The following ZBTB44 variants were observed in gnomAD, a reference collection of about 807,000 sequenced individuals.
ZBTB44 encodes the protein zinc finger and BTB domain containing 44.
ZBTB44 carries 15 observed loss-of-function variants against 54.0 expected under a neutral mutation model. That is an observed-to-expected ratio of 0.28 (90% CI 0.19 to 0.43). ZBTB44 has a LOEUF of 0.43. Ranked by LOEUF, ZBTB44 falls within the 20% of genes least tolerant of loss-of-function variation. The pLI, the probability that ZBTB44 is intolerant of heterozygous loss-of-function variation, is 1.00. For missense variants in ZBTB44, 487 were observed against 707.1 expected, an observed-to-expected ratio of 0.69 and a Z score of 3.53; for synonymous variants, 230 against 250.1, an observed-to-expected ratio of 0.92 and a Z score of 0.76.
At position 130,239,869 on chromosome 11, in the gene ZBTB44, C is replaced by A. The variant is rs1225320751; in HGVS notation, c.1046G>T (p.Gly349Val). The change falls in exon 3 of 8, where the codon GGC becomes GTC. Residue 349 changes from glycine to valine, a missense_variant. Around this residue, in one of 3 missense-constraint regions of ZBTB44, gnomAD observed 277 missense variants for 306.5 expected, o/e 0.90. Coordinates refer to ENST00000357899, the MANE Select transcript of ZBTB44 (RefSeq NM_001301098.2). ...AGACGTGCTTTGAAGTGTAGGCAAG[C>A]CCTCAGAAACGCCTTCATCTACTGA... ...IGSVDEGVSE[G>V]LPTLQSTSST... 6.2e-7 allele frequency: 1 copy of A among 1,611,770 alleles called. No individual in the cohort carries two copies. The highest frequency in any genetic ancestry group is 2.2e-5 in the East Asian group (1 of 44,824).
chr11:130,310,440 A>C (rs1942523057), intron 1 of ZBTB44: 1 of 151,446 alleles, frequency 6.6e-6, no homozygotes, highest in Admixed American at 6.6e-5. Flanking sequence ...TAGCCACTGC[A>C]CTCCAGCCTG....
intron 2 of ZBTB44, among the ~76,000 whole-genome samples, chr11:130,253,424 A>G (rs1938186974): frequency 6.6e-6 from 1 of 152,180 alleles, no homozygotes; most frequent in South Asian, 2.1e-4. Context: ...ATATACCAAT[A>G]ACAGAGAAAC....
At chr11:130,248,318 T>C (rs559520425) in intron 2 of ZBTB44, among the ~76,000 whole-genome samples, 1 of 152,314 alleles carries the variant, frequency 6.6e-6, no homozygotes, top group African/African-American at 2.4e-5. Flanking sequence ...TGAGAGTGAT[T>C]AGTACATTTG....
At chr11:130,284,798 A>G (rs113245986) in intron 1 of ZBTB44, among the ~76,000 whole-genome samples, 9,494 of 152,112 alleles carry the variant, frequency 0.062, 737 homozygotes, top group African/African-American at 0.18. Flanking sequence ...CCCAGGAGGT[A>G]GAGGTTGCAG....
intron 2 of ZBTB44, among the ~76,000 whole-genome samples, chr11:130,256,362 C>T (rs545308829): frequency 9.2e-5 from 14 of 152,282 alleles, no homozygotes; most frequent in South Asian, 8.3e-4. Flanking sequence ...TCTCAATAGA[C>T]GCAGAAAAGG....
At position 130,272,627 on chromosome 11, in the gene ZBTB44, C is replaced by T. The variant is rs115071516; in HGVS notation, c.-56-10698G>A. ...CAGTGTTTTTCTTTTGCTGTTCATG[C>T]TTTTGGTATCGTATCTACAAATTCC... On this transcript the variant is annotated intron_variant, in intron 1 of 7. Coordinates refer to ENST00000357899, the MANE Select transcript of ZBTB44 (RefSeq NM_001301098.2). Among the ~76,000 whole-genome samples the T allele has an allele frequency of 8.8e-3, 1,317 of 149,910 alleles. 9 individuals carry two copies. The highest frequency in any genetic ancestry group is 0.022 in the African/African-American group (894 of 40,972).
intron 5 of ZBTB44, among the ~76,000 whole-genome samples, chr11:130,235,341 C>T (rs185878231): frequency 6.6e-6 from 1 of 152,244 alleles, no homozygotes; most frequent in African/African-American, 2.4e-5. Context: ...AACAGGAACA[C>T]TATTTTAGTC....
chr11:130,273,071 A>G (rs1939793102), intron 1 of ZBTB44, among the ~76,000 whole-genome samples: 1 of 152,168 alleles, frequency 6.6e-6, no homozygotes, highest in African/African-American at 2.4e-5. Flanking sequence ...TCAGACTGTC[A>G]ATCTTTACAA....
At chr11:130,309,419 A>C (rs73587088) in intron 1 of ZBTB44, among the ~76,000 whole-genome samples, 9,720 of 152,236 alleles carry the variant, frequency 0.064, 748 homozygotes, top group African/African-American at 0.18. Flanking sequence ...TGCTCTGCTT[A>C]CTTTAGATGA....
In ZBTB44 at chr11:130,237,031, T is replaced by C; in HGVS notation, c.1330A>G (p.Met444Val). 1 of 1,609,366 alleles carries C rather than the reference T, an allele frequency of 6.2e-7. No homozygotes were observed. Among genetic ancestry groups the C allele is most frequent in the Non-Finnish European group, 8.5e-7 (1 of 1,177,920 alleles). The change falls in exon 5 of 8, where the codon ATG (methionine) becomes GTG (valine). Residue 444 changes from methionine (M) to valine (V), a missense_variant. Met to Val is a conservative substitution (Grantham distance 21, BLOSUM62 1). Around this residue, in one of 3 missense-constraint regions of ZBTB44, gnomAD observed 120 missense variants for 240.3 expected, o/e 0.50. Transcript: ENST00000357899. ...KKFTRAYSLKMHRLKHEGKRC... is the reference protein window; with the variant it reads ...KKFTRAYSLKVHRLKHEGKRC... ...TTACCTTCATGCTTTAGGCGATGCA[T>C]CTTTAGCGAGTAAGCCCTGGTGAAC...
intron 1 of ZBTB44, among the ~76,000 whole-genome samples, chr11:130,271,893 CAG>C (rs1939696756): frequency 6.6e-6 from 1 of 152,104 alleles, no homozygotes; most frequent in South Asian, 2.1e-4. Context: ...GAGAAATTGT[CAG>C]ACTGTCTTCC....
At chr11:130,286,134 G>T (rs1315878840) in intron 1 of ZBTB44, among the ~76,000 whole-genome samples, 1 of 152,122 alleles carries the variant, frequency 6.6e-6, no homozygotes, top group Non-Finnish European at 1.5e-5. Flanking sequence ...TAAATTATCA[G>T]ACTGAGACGA....
Position 130,309,884 on chromosome 11 carries a change from C to T in ZBTB44, c.-57+4491G>A, listed in dbSNP as rs575661408. On this transcript the variant is annotated intron_variant, in intron 1 of 7. Coordinates refer to ENST00000357899, the MANE Select transcript of ZBTB44 (RefSeq NM_001301098.2). ...GCATTCCAGCCTGGGCAACAGAGGG[C>T]GACTGCATCTCAAAAAAAAAAAAAA... 7.1e-4 allele frequency among the ~76,000 whole-genome samples: 99 copies of T among 139,858 alleles called. 1 individual carries two copies. Among genetic ancestry groups the T allele is most frequent in the East Asian group, 6.4e-3 (31 of 4,836 alleles). 91.8% of individuals were successfully genotyped at this position (139,858 alleles called of 152,430 possible). A position where few individuals can be genotyped will look rare whatever the true frequency, so the allele number is the denominator to read the frequency against.
chr11:130,236,768 G>T (rs1452044462), intron 5 of ZBTB44, 25 bp downstream of exon 5: 13 of 1,319,652 alleles, frequency 9.9e-6, no homozygotes, highest in Middle Eastern at 2.0e-4. Flanking sequence ...AGTTTTCCTG[G>T]TTGGGTTTTC....
chr11:130,295,918 G>A lies in ZBTB44; in HGVS notation c.-57+18457C>T, dbSNP rs527514211. On this transcript the variant is annotated intron_variant, in intron 1 of 7. Coordinates refer to ENST00000357899, the MANE Select transcript of ZBTB44 (RefSeq NM_001301098.2). ...TGGGTTGATAATGGGTGGCAGTAACGGATCTGCTGAAGCACAGAAACTTGC... is the reference window on the plus strand; with the variant it reads ...TGGGTTGATAATGGGTGGCAGTAACAGATCTGCTGAAGCACAGAAACTTGC... The A allele has an allele frequency of 1.5e-4, 234 of 1,517,140 alleles. 2 individuals are homozygous for A. The highest frequency in any genetic ancestry group is 2.4e-4 in the Middle Eastern group (1 of 4,252). The allele number at this position is 1,517,140 out of a possible 1,614,324, so 94.0% of individuals were successfully genotyped here.
Position 130,230,622 on chromosome 11 carries a change from G to A in ZBTB44, c.*1142C>T, listed in dbSNP as rs2136243271. 6.7e-6 allele frequency: 1 copy of A among 149,854 alleles called. No individual in the cohort carries two copies. The highest frequency in any genetic ancestry group is 6.7e-5 in the Admixed American group (1 of 15,018). 9.3% of individuals were successfully genotyped at this position (149,854 alleles called of 1,614,324 possible). ...TAACTAAATGCGTAACTAATTACTT[G>A]AAATAAAAAGATTACTTGAAATTCA... On this transcript the variant is annotated 3_prime_UTR_variant, in exon 8 of 8. Coordinates refer to ENST00000357899, the MANE Select transcript of ZBTB44 (RefSeq NM_001301098.2).
intron 1 of ZBTB44, among the ~76,000 whole-genome samples, chr11:130,272,751 G>A (rs1468694399): frequency 7.0e-6 from 1 of 142,820 alleles, no homozygotes; most frequent in South Asian, 2.2e-4. Flanking sequence ...GTTATTTTTT[G>A]TATATGGTCC....
intron 1 of ZBTB44, among the ~76,000 whole-genome samples, chr11:130,311,059 G>A (rs1456987724): frequency 6.6e-6 from 1 of 152,120 alleles, no homozygotes; most frequent in Non-Finnish European, 1.5e-5. Flanking sequence ...TTTGAACACA[G>A]TACTCATTAT....
intron 2 of ZBTB44, among the ~76,000 whole-genome samples, chr11:130,259,707 A>G (rs1234585540): frequency 6.6e-6 from 1 of 152,112 alleles, no homozygotes; most frequent in Non-Finnish European, 1.5e-5. Flanking sequence ...ACAAGAACAG[A>G]AAACCAAACA....
Sources: allele counts gnomAD v4.1 joint callset (sites outside exome capture counted in the v4.1 genomes callset), GRCh38; gene constraint gnomAD v4.1.1; regional missense constraint gnomAD v4.1.1; transcripts MANE v1.5; gene names NCBI Gene and HGNC (gene_info 2026-07-23, HGNC 2026-07-21).